Variants in EPHA10 observed in about 807,000 individuals in gnomAD.
EPHA10 encodes ephrin type-A receptor 10.
In EPHA10, 120 loss-of-function variants were observed where a neutral mutation model predicts 109.7. The ratio of observed to expected loss-of-function variants is 1.09; its 90% CI spans 0.94 to 1.27. The LOEUF is 1.27. EPHA10 is among the 50% of genes most tolerant of loss of function. The pLI is 0.00. For synonymous variants in EPHA10, 640 were observed against 618.9 expected, an observed-to-expected ratio of 1.03 and a Z score of -0.51; for missense variants, 1,396 against 1,411.1, an observed-to-expected ratio of 0.99 and a Z score of 0.17.
rs376949378 is a variant in EPHA10, at chr1:37,742,946, T to C, written c.1358-7556A>G. On this transcript the variant is annotated intron_variant, in intron 5 of 16. Transcript: ENST00000373048. ...GGAATTTGAGGTTACAGTGAGCCTATGATCATGCCACTGCACTCCAGCCTG... is the reference window on the plus strand; with the variant it reads ...GGAATTTGAGGTTACAGTGAGCCTACGATCATGCCACTGCACTCCAGCCTG... 1.6e-4 allele frequency among the ~76,000 whole-genome samples: 25 copies of C among 152,210 alleles called. No individual in the cohort carries two copies. The East Asian group carries it at 4.4e-3, about 27-fold the overall frequency.
intron 5 of EPHA10, among the ~76,000 whole-genome samples, chr1:37,741,404 G>A (rs770445741): frequency 6.6e-6 from 1 of 152,226 alleles, no homozygotes; most frequent in Non-Finnish European, 1.5e-5. Context: ...AGTGGAAACG[G>A]AGTAGGTGGC....
At chr1:37,735,114 G>T in intron 6 of EPHA10, 143 bp downstream of exon 6, 1 of 1,057,170 alleles carries the variant, frequency 9.5e-7, no homozygotes, top group Non-Finnish European at 1.4e-6. Flanking sequence ...GGGGAGACTC[G>T]AGCCTGGGGC....
At position 37,727,104 on chromosome 1, in the gene EPHA10, C is replaced by T. The variant is rs558488070; in HGVS notation, c.1770G>A (p.Arg590=). The change falls in exon 8 of 17, where the codon AGG becomes AGA. Residue 590 remains arginine (R), a splice_region_variant and synonymous_variant. Transcript: ENST00000373048. ...CTAGGCTGGGGCCAGCCACCTACCT[C>T]CTCCAAATGGCCAGCACACTCATCA... ...GSVMSVLAIW[R]RPCSYGKGGG... The T allele has an allele frequency of 6.2e-7, 1 of 1,609,644 alleles. No individual in the cohort carries two copies. Among genetic ancestry groups the T allele is most frequent in the South Asian group, 1.1e-5 (1 of 90,452 alleles).
At chr1:37,721,870 AC>A in intron 10 of EPHA10, 25 bp from the exon 11 acceptor site, 1 of 1,526,568 alleles carries the variant, frequency 6.6e-7, no homozygotes, top group Non-Finnish European at 8.8e-7. Context: ...CACCTCAGAT[AC>A]CGCCAGAGGC....
At chr1:37,738,829 G>C (rs1233058259) in intron 5 of EPHA10, among the ~76,000 whole-genome samples, 1 of 152,066 alleles carries the variant, frequency 6.6e-6, no homozygotes, top group African/African-American at 2.4e-5. Flanking sequence ...CATAAAAAAA[G>C]GATGAGTTCA....
chr1:37,755,772 C>T (rs653687), intron 3 of EPHA10, among the ~76,000 whole-genome samples: 50,485 of 151,990 alleles, frequency 0.33, 8,482 homozygotes, highest in Middle Eastern at 0.47. Context: ...TAAGTGGTAA[C>T]TGCTAAACAC....
At chr1:37,722,879 G>T in intron 10 of EPHA10, 162 bp downstream of exon 10, 2 of 1,036,950 alleles carry the variant, frequency 1.9e-6, no homozygotes, top group South Asian at 1.3e-5. Flanking sequence ...GGGACTTTCT[G>T]GGTGGAGGGT....
chr1:37,719,423 G>A lies in EPHA10; in HGVS notation c.2747C>T (p.Thr916Ile). 6.2e-7 allele frequency: 1 copy of A among 1,612,722 alleles called. No individual in the cohort carries two copies. The highest frequency in any genetic ancestry group is 8.5e-7 in the Non-Finnish European group (1 of 1,179,864). The change falls in exon 15 of 17, where the codon ACC (threonine) becomes ATC (isoleucine). Residue 916 changes from threonine (T) to isoleucine (I), a missense_variant. Physicochemically the swap from Thr to Ile is moderately conservative, Grantham distance 89. Transcript: ENST00000373048. Reference sequence around the variant, plus strand: ...CCATGTGGGAACGTACCTGGGACAGGTAGTCAGGGCACACTTGGGGGGCTC... The same window carrying A: ...CCATGTGGGAACGTACCTGGGACAGATAGTCAGGGCACACTTGGGGGGCTC... ...DPEPPKCALT[T>I]CPRPPTPLAD...
At chr1:37,718,876 T>C (rs2148302714) in intron 15 of EPHA10, 60 bp from the exon 16 acceptor site, 4 of 1,536,730 alleles carry the variant, frequency 2.6e-6, no homozygotes, top group African/African-American at 1.4e-5. Flanking sequence ...CACCTGGTGG[T>C]CTCCCGGGGA....
intron 3 of EPHA10, among the ~76,000 whole-genome samples, chr1:37,758,014 C>A (rs1646403456): frequency 6.6e-6 from 1 of 152,178 alleles, no homozygotes; most frequent in Non-Finnish European, 1.5e-5. Context: ...CACCCTGGAT[C>A]TCTCCCTTTA....
downstream of EPHA10, chr1:37,714,062 T>C (rs1053738455): frequency 5.3e-5 from 8 of 152,218 alleles, no homozygotes; most frequent in African/African-American, 1.9e-4. Flanking sequence ...CATTCTCCAG[T>C]TAGCCTTATC....
chr1:37,761,307 C>G lies in EPHA10; in HGVS notation c.850+98G>C, dbSNP rs1005745573. On this transcript the variant is annotated intron_variant, in intron 3 of 16. Transcript: ENST00000373048. ...GAGTCCAAGGCTTCTCCACCGCCCC[C>G]CGACCCCACACCCGCCTCTTTCCTC... The G allele has an allele frequency of 5.8e-6, 9 of 1,548,240 alleles. No homozygotes were observed. In the African/African-American group the frequency reaches 6.8e-5, roughly 12 times the overall value.
At chr1:37,763,958 C>T (rs74526996) in intron 1 of EPHA10, among the ~76,000 whole-genome samples, 2,030 of 152,286 alleles carry the variant, frequency 0.013, 38 homozygotes, top group African/African-American at 0.046. Flanking sequence ...TATGACCCTT[C>T]CTACCAGAGA....
At position 37,752,956 on chromosome 1, in the gene EPHA10, G is replaced by A. The variant is rs1646352251; in HGVS notation, c.1277C>T (p.Ala426Val). The A allele has an allele frequency of 7.7e-7, 1 of 1,294,278 alleles. No individual in the cohort carries two copies. Among genetic ancestry groups the A allele is most frequent in the South Asian group, 2.2e-5 (1 of 44,688 alleles). 80.2% of individuals were successfully genotyped at this position (1,294,278 alleles called of 1,614,324 possible). A position where few individuals can be genotyped will look rare whatever the true frequency, so the allele number is the denominator to read the frequency against. The change falls in exon 5 of 17, where the codon GCC becomes GTC. Residue 426 changes from alanine (A) to valine (V), a missense_variant. Ala to Val is a moderately conservative substitution (Grantham distance 64). Transcript: ENST00000373048. Reference sequence around the variant, plus strand: ...CGGGCCCGAGACGCCGTTGAGCGCGGCCACGCGCACGGTGTAGCGCGCGCC... The same window carrying A: ...CGGGCCCGAGACGCCGTTGAGCGCGACCACGCGCACGGTGTAGCGCGCGCC... ...RPGARYTVRV[A>V]ALNGVSGPAA...
At chr1:37,734,795 T>TAAC (rs1412366886) in intron 6 of EPHA10, 1 of 353,780 alleles carries the variant, frequency 2.8e-6, no homozygotes, top group East Asian at 8.7e-5. Flanking sequence ...GGAATTATAA[T>TAAC]AACTCATACA....
At chr1:37,757,558 G>T (rs538850544) in intron 3 of EPHA10, among the ~76,000 whole-genome samples, 1 of 152,214 alleles carries the variant, frequency 6.6e-6, no homozygotes, top group African/African-American at 2.4e-5. Context: ...CCCTTGTGAA[G>T]CTTTCCTTGG....
intron 5 of EPHA10, 83 bp downstream of exon 5, chr1:37,752,793 C>G: frequency 9.6e-7 from 1 of 1,042,758 alleles, no homozygotes; most frequent in Non-Finnish European, 1.2e-6. Flanking sequence ...GTGGGGCTCC[C>G]GCAGGACCGA....
Position 37,717,026 on chromosome 1 carries a change from C to T in EPHA10, c.*1346G>A, listed in dbSNP as rs1176561340. 3 of 227,712 alleles carry T rather than the reference C, an allele frequency of 1.3e-5. No individual in the cohort carries two copies. In the Admixed American group the frequency reaches 1.7e-4, roughly 13 times the overall value. The allele number at this position is 227,712 out of a possible 1,614,324, so 14.1% of individuals were successfully genotyped here. ...TTACCTCTTGTCTCCTCTTTCCCGC[C>T]CCATCCCACCCCACCAACACACAGC... is the stretch of plus-strand genomic sequence containing the variant. On this transcript the variant is annotated 3_prime_UTR_variant, in exon 17 of 17. Coordinates refer to ENST00000373048, the MANE Select transcript of EPHA10 (RefSeq NM_001099439.2).
chr1:37,719,297 G>T, intron 15 of EPHA10, 117 bp downstream of exon 15: 2 of 1,208,886 alleles, frequency 1.7e-6, no homozygotes, highest in Non-Finnish European at 2.3e-6. Context: ...GGGGCAATGG[G>T]GTGAACAATT....
Sources: gnomAD v4.1 joint callset for allele counts (sites outside exome capture counted in the v4.1 genomes callset) on GRCh38, gnomAD v4.1.1 for gene constraint, MANE v1.5 for transcripts, NCBI Gene and HGNC (gene_info 2026-07-23, HGNC 2026-07-21) for gene names.